Variants in TET2 observed in about 807,000 individuals in gnomAD.
TET2 encodes the protein methylcytosine dioxygenase TET2.
Under a neutral mutation model 142.9 loss-of-function variants are expected in TET2, and 299 were observed. The ratio of observed to expected loss-of-function variants is 2.09; its 90% CI spans 1.90 to 2.30. The LOEUF is 2.30. Among genes scored for constraint, TET2 ranks in the 30% most tolerant of loss-of-function variants. The probability of loss-of-function intolerance (pLI) is 0.00; values close to 1 mark genes in which losing one functional copy is unlikely to be tolerated. For missense variants in TET2, 2,418 were observed against 2,378.0 expected, an observed-to-expected ratio of 1.02 and a Z score of -0.35; for synonymous variants, 819 against 849.0, an observed-to-expected ratio of 0.96 and a Z score of 0.61.
intron 6 of TET2, among the ~76,000 whole-genome samples, chr4:105,248,714 A>C (rs1560556847): frequency 6.6e-6 from 1 of 152,198 alleles, no homozygotes; most frequent in Non-Finnish European, 1.5e-5. Context: ...GTTTCAGTAC[A>C]TTCACAAAGC....
chr4:105,249,325 A>T (rs62330912), intron 6 of TET2, among the ~76,000 whole-genome samples: 2,126 of 152,232 alleles, frequency 0.014, 23 homozygotes, highest in South Asian at 0.032. Flanking sequence ...GTGCCCAGCC[A>T]CATTTTCTTT....
intron 2 of TET2, among the ~76,000 whole-genome samples, chr4:105,214,296 G>A (rs1189584154): frequency 7.4e-5 from 10 of 135,438 alleles, no homozygotes; most frequent in Non-Finnish European, 1.6e-5. Context: ...TGTCCCCCGA[G>A]GGAGATTTTT....
At chr4:105,146,188 G>A (rs1398205658), upstream of TET2, 1 of 152,730 alleles carries the variant, frequency 6.5e-6, no homozygotes, top group Non-Finnish European at 1.5e-5. Context: ...GGAGGAGGTG[G>A]GTGCGCGCGG....
intron 2 of TET2, among the ~76,000 whole-genome samples, chr4:105,198,015 C>G (rs1472677315): frequency 6.6e-6 from 1 of 152,158 alleles, no homozygotes; most frequent in African/African-American, 2.4e-5. Context: ...AAAAGCATCT[C>G]TGAATGCCTA....
chr4:105,189,342 T>C (rs142879894), intron 1 of TET2, among the ~76,000 whole-genome samples: 1 of 152,312 alleles, frequency 6.6e-6, no homozygotes, highest in East Asian at 1.9e-4. Flanking sequence ...TTCCAGATAC[T>C]ATTTCAGGAT....
At chr4:105,204,854 G>C (rs1051529401) in intron 2 of TET2, among the ~76,000 whole-genome samples, 1 of 151,880 alleles carries the variant, frequency 6.6e-6, no homozygotes, top group Non-Finnish European at 1.5e-5. Flanking sequence ...AATTGCCTTA[G>C]TTTTGCTATT....
chr4:105,191,212 G>C (rs1479795169), intron 2 of TET2, among the ~76,000 whole-genome samples: 1 of 152,092 alleles, frequency 6.6e-6, no homozygotes, highest in Non-Finnish European at 1.5e-5. Flanking sequence ...AAATACAAAA[G>C]AAAGAGGGAG....
In TET2 at chr4:105,263,605, C is replaced by T. The variant is rs968216579; in HGVS notation, c.4044+1757C>T. On this transcript the variant is annotated intron_variant, in intron 8 of 10. Transcript: ENST00000380013. ...GGGGAGAAGATATCAAAATTTTGGA[C>T]ATGCTAGGCTTCTAGGTTAATTAGA... 7.9e-5 allele frequency among the ~76,000 whole-genome samples: 12 copies of T among 152,194 alleles called. No individual in the cohort carries two copies. The East Asian group carries it at 9.6e-4, about 12-fold the overall frequency.
intron 6 of TET2, among the ~76,000 whole-genome samples, chr4:105,249,295 G>A (rs1264858805): frequency 6.6e-6 from 1 of 152,034 alleles, no homozygotes; most frequent in African/African-American, 2.4e-5. Flanking sequence ...AAAGTGCTGG[G>A]ATTACAAGCA....
chr4:105,267,049 T>C (rs1029459705), intron 8 of TET2, among the ~76,000 whole-genome samples: 1 of 151,700 alleles, frequency 6.6e-6, no homozygotes, highest in Non-Finnish European at 1.5e-5. Flanking sequence ...GAGACTTCAT[T>C]CAGAAAAAGG....
intron 6 of TET2, among the ~76,000 whole-genome samples, chr4:105,255,773 TTTTAA>T (rs925426535): frequency 9.9e-5 from 15 of 152,104 alleles, no homozygotes; most frequent in Middle Eastern, 6.3e-3. Context: ...AGTCTTTGCC[TTTTAA>T]TTTTTCAATT....
chr4:105,242,184 A>G (rs969885089), intron 4 of TET2: 8 of 1,113,172 alleles, frequency 7.2e-6, no homozygotes, highest in Non-Finnish European at 8.9e-6. Context: ...TTTCCAAATT[A>G]TTCATTTCTA....
chr4:105,236,348 C>T lies in TET2; in HGVS notation c.2406C>T (p.Val802=), dbSNP rs773803364. Residue 802 remains valine (V), a synonymous_variant, in exon 3 of 11, where the codon GTC becomes GTT. Transcript: ENST00000380013. ...SKSSEFETHN[V]QMGLEEVQNI... ...CAAGCGAGTTCGAGACTCATAATGT[C>T]CAAATGGGACTGGAGGAAGTACAGA... The T allele has an allele frequency of 1.2e-6, 2 of 1,613,954 alleles. No individual in the cohort carries two copies. Among genetic ancestry groups the T allele is most frequent in the Non-Finnish European group, 1.7e-6 (2 of 1,179,992 alleles).
chr4:105,175,460 A>T (rs1230651040), intron 1 of TET2, among the ~76,000 whole-genome samples: 1 of 152,164 alleles, frequency 6.6e-6, no homozygotes, highest in Non-Finnish European at 1.5e-5. Flanking sequence ...TCATAAGTAG[A>T]TTGAACATAG....
At chr4:105,247,613 G>A (rs974110712) in intron 6 of TET2, among the ~76,000 whole-genome samples, 24 of 133,146 alleles carry the variant, frequency 1.8e-4, no homozygotes, top group African/African-American at 7.5e-4. Context: ...CCACATTCTG[G>A]ATTTGGCCGA....
At position 105,237,072 on chromosome 4, in the gene TET2, A is replaced by G. The variant is rs1275441495; in HGVS notation, c.3130A>G (p.Lys1044Glu). The change falls in exon 3 of 11, where the codon AAG becomes GAG. Residue 1044 changes from lysine to glutamate, a missense_variant. By Grantham distance (56) the Lys-to-Glu change is moderately conservative (BLOSUM62 1). Coordinates refer to ENST00000380013, the MANE Select transcript of TET2 (RefSeq NM_001127208.3). ...QFHAKSLFDH[K>E]ALTLKSQKQV... Reference sequence around the variant, plus strand: ...TCACGCCAAGTCGTTATTTGACCATAAGGCTCTTACTCTCAAATCACAGAA... The same window carrying G: ...TCACGCCAAGTCGTTATTTGACCATGAGGCTCTTACTCTCAAATCACAGAA... The G allele has an allele frequency of 1.2e-6, 2 of 1,614,152 alleles. No individual in the cohort carries two copies. The highest frequency in any genetic ancestry group is 1.7e-5 in the Admixed American group (1 of 60,012).
rs1324455883 is a variant in TET2 at position 105,235,440 on chromosome 4, T to C, written c.1498T>C (p.Leu500=). The change falls in exon 3 of 11, where the codon TTG becomes CTG. Residue 500 remains leucine (L), a synonymous_variant. Coordinates refer to ENST00000380013, the MANE Select transcript of TET2 (RefSeq NM_001127208.3). ...GACTGCAGGGACAATGACTGTTCCA[T>C]TGTGTTCTGAGAAAACAAGACCAAT... The part of the protein sequence containing the change: ...IQTAGTMTVP[L]CSEKTRPMSE... 3 of 1,614,090 alleles carry C rather than the reference T, an allele frequency of 1.9e-6. No individual in the cohort carries two copies. Among genetic ancestry groups the C allele is most frequent in the Non-Finnish European group, 1.7e-6 (2 of 1,180,030 alleles).
Position 105,204,228 on chromosome 4 carries a change from A to AT in TET2, c.-47+13723_-47+13724insT, listed in dbSNP as rs1352644678. 1.7e-3 allele frequency among the ~76,000 whole-genome samples: 202 copies of AT among 121,340 alleles called. 1 individual carries two copies. The highest frequency in any genetic ancestry group is 8.5e-3 in the South Asian group (34 of 3,998). 79.6% of individuals were successfully genotyped at this position (121,340 alleles called of 152,430 possible). ...ACAAAAACAAACCAAAAAAAAAAAA[A>AT]ATATATACACACACACACACACACA... On this transcript the variant is annotated intron_variant, in intron 2 of 10. Transcript: ENST00000380013.
At chr4:105,225,803 C>G (rs1196909535) in intron 2 of TET2, among the ~76,000 whole-genome samples, 1 of 152,152 alleles carries the variant, frequency 6.6e-6, no homozygotes, top group East Asian at 1.9e-4. Flanking sequence ...CTCCAATTCT[C>G]TGAGTGACAT....
Sources: allele counts gnomAD v4.1 joint callset (sites outside exome capture counted in the v4.1 genomes callset), GRCh38; gene constraint gnomAD v4.1.1; transcripts MANE v1.5; gene names NCBI Gene and HGNC (gene_info 2026-07-23, HGNC 2026-07-21).